The following NDUFAB1 variants were observed in gnomAD, a reference collection of about 807,000 sequenced individuals.
NDUFAB1 encodes NADH:ubiquinone oxidoreductase subunit AB1, also known as acyl carrier protein, mitochondrial.
In NDUFAB1, 5 loss-of-function variants were observed where a neutral mutation model predicts 16.1. The observed-to-expected ratio is 0.31, with a 90% CI of 0.16 to 0.65. NDUFAB1 has a LOEUF of 0.65. Ranked by LOEUF, NDUFAB1 falls within the 30% of genes least tolerant of loss-of-function variation. The pLI is 0.77. For missense variants in NDUFAB1, 187 were observed against 205.3 expected (o/e 0.91, Z 0.54); for synonymous variants, 85 against 78.4 (o/e 1.08, Z -0.44).
chr16:23,584,005 A>G (rs890779786), intron 3 of NDUFAB1, among the ~76,000 whole-genome samples: 2 of 151,836 alleles, frequency 1.3e-5, no homozygotes, highest in African/African-American at 4.8e-5. Flanking sequence ...ACTCAGGGTT[A>G]AATGGATTAA....
intron 1 of NDUFAB1, among the ~76,000 whole-genome samples, chr16:23,595,816 G>A (rs982317794): frequency 6.6e-6 from 1 of 152,248 alleles, no homozygotes. Context: ...TACTCCGCAA[G>A]GTAGAGACCA....
At chr16:23,584,239 C>A (rs1461701558) in intron 3 of NDUFAB1, among the ~76,000 whole-genome samples, 5 of 22,214 alleles carry the variant, frequency 2.3e-4, no homozygotes, top group South Asian at 1.7e-3. Flanking sequence ...GCGAGAAACA[C>A]CCAAGAATGA....
At chr16:23,592,581 T>A (rs904626489) in intron 1 of NDUFAB1, among the ~76,000 whole-genome samples, 1 of 152,130 alleles carries the variant, frequency 6.6e-6, no homozygotes, top group African/African-American at 2.4e-5. Context: ...CCATGCCCCA[T>A]AGAACTGCTG....
chr16:23,596,292 G>A lies in NDUFAB1; in HGVS notation c.-2C>T. ...GGCTGAAAGGACACGAGACGCCATG[G>A]CTACGCCAACCCAGGATGCACTGCG... On this transcript the variant is annotated 5_prime_UTR_variant, in exon 1 of 5. Coordinates refer to ENST00000007516, the MANE Select transcript of NDUFAB1 (RefSeq NM_005003.3). The A allele has an allele frequency of 1.9e-6, 3 of 1,555,162 alleles. No individual in the cohort carries two copies. The highest frequency in any genetic ancestry group is 2.6e-6 in the Non-Finnish European group (3 of 1,152,474).
chr16:23,595,597 C>T (rs961548013), intron 1 of NDUFAB1: 2 of 456,112 alleles, frequency 4.4e-6, no homozygotes, highest in African/African-American at 4.0e-5. Context: ...TGGCTTGTTT[C>T]CTAGAATTAC....
At chr16:23,582,040 G>C in intron 4 of NDUFAB1, 1 of 343,774 alleles carries the variant, frequency 2.9e-6, no homozygotes, top group Admixed American at 5.0e-5. Flanking sequence ...TTCTGCTTTT[G>C]TGAGGACAGC....
chr16:23,587,336 A>G lies in NDUFAB1; in HGVS notation c.169-17T>C. 1 of 1,611,978 alleles carries G rather than the reference A, an allele frequency of 6.2e-7. No homozygotes were observed. The highest frequency in any genetic ancestry group is 8.5e-7 in the Non-Finnish European group (1 of 1,179,238). On this transcript the variant is annotated splice_polypyrimidine_tract_variant and intron_variant, in intron 1 of 4. Transcript: ENST00000007516. ...ACCAGGAACCTAGAGCGACGGCAGG[A>G]AGGAAACACTGTCATTGAATGGAAA...
chr16:23,582,939 G>C (rs1326352590), intron 3 of NDUFAB1, among the ~76,000 whole-genome samples: 1 of 151,372 alleles, frequency 6.6e-6, no homozygotes, highest in African/African-American at 2.4e-5. Context: ...GCCTCGGCCT[G>C]CCCAGTGCCT....
chr16:23,583,247 G>A (rs1966198627), intron 3 of NDUFAB1, among the ~76,000 whole-genome samples: 1 of 152,224 alleles, frequency 6.6e-6, no homozygotes. Flanking sequence ...CATCGTCTGG[G>A]ATGTGAGGAG....
At chr16:23,583,065 A>C (rs1443446786) in intron 3 of NDUFAB1, among the ~76,000 whole-genome samples, 5 of 152,278 alleles carry the variant, frequency 3.3e-5, no homozygotes, top group Non-Finnish European at 5.9e-5. Context: ...GTGATCTGCC[A>C]GCCTCGGCCT....
chr16:23,585,247 C>T, intron 3 of NDUFAB1, 89 bp downstream of exon 3: 4 of 946,742 alleles, frequency 4.2e-6, no homozygotes, highest in Non-Finnish European at 6.8e-6. Context: ...ATATTTAATT[C>T]TAATTCCAAT....
At chr16:23,590,211 A>G (rs1476145007) in intron 1 of NDUFAB1, among the ~76,000 whole-genome samples, 4 of 152,216 alleles carry the variant, frequency 2.6e-5, no homozygotes, top group Non-Finnish European at 5.9e-5. Flanking sequence ...TGATTAAATT[A>G]AACGAGTCTC....
intron 1 of NDUFAB1, among the ~76,000 whole-genome samples, chr16:23,588,192 C>T (rs938094742): frequency 5.9e-5 from 9 of 152,198 alleles, no homozygotes; most frequent in Non-Finnish European, 1.0e-4. Context: ...TGGTGGCTCA[C>T]GCCTATAATC....
Position 23,582,355 on chromosome 16 carries a change from CTA to C in NDUFAB1, c.398_399del (p.Ile133ArgfsTer3). 1 of 1,573,526 alleles carries C rather than the reference CTA, an allele frequency of 6.4e-7. No individual in the cohort carries two copies. The highest frequency in any genetic ancestry group is 8.6e-7 in the Non-Finnish European group (1 of 1,162,290). On this transcript the variant is annotated frameshift_variant, in exon 4 of 5. Coordinates refer to ENST00000007516, the MANE Select transcript of NDUFAB1 (RefSeq NM_005003.3). LOFTEE classifies it high-confidence loss of function. ...EDEFGFEIPD[I>X]DAEKLMCPQE... ...TGTGGACACATTAACTTTTCAGCAT[CTA>C]TATCAGGAATTTCAAACCCTAAAAG...
intron 4 of NDUFAB1, 107 bp downstream of exon 4, chr16:23,582,169 G>T: frequency 7.7e-7 from 1 of 1,299,950 alleles, no homozygotes; most frequent in Non-Finnish European, 1.0e-6. Flanking sequence ...TATAAGTAGT[G>T]AAAAATCTTG....
intron 1 of NDUFAB1, among the ~76,000 whole-genome samples, chr16:23,594,202 G>A (rs1004386141): frequency 1.4e-4 from 21 of 151,626 alleles, no homozygotes; most frequent in African/African-American, 4.1e-4. Flanking sequence ...ATTTCAAGGT[G>A]ACACTTTTCA....
rs17525889 is a variant in NDUFAB1 at position 23,596,296 on chromosome 16, C to A, written c.-6G>T. The stretch of plus-strand genomic sequence containing the variant: ...GAAAGGACACGAGACGCCATGGCTA[C>A]GCCAACCCAGGATGCACTGCGCCGC... On this transcript the variant is annotated 5_prime_UTR_variant, in exon 1 of 5. Coordinates refer to ENST00000007516, the MANE Select transcript of NDUFAB1 (RefSeq NM_005003.3). 125 of 1,550,832 alleles carry A rather than the reference C, an allele frequency of 8.1e-5. No individual in the cohort carries two copies. The East Asian group carries it at 3.1e-3, about 38-fold the overall frequency.
intron 1 of NDUFAB1, among the ~76,000 whole-genome samples, chr16:23,595,255 C>A (rs1597057767): frequency 6.6e-6 from 1 of 152,060 alleles, no homozygotes; most frequent in Non-Finnish European, 1.5e-5. Flanking sequence ...GGTGACAGAG[C>A]GAGACTCTGT....
chr16:23,581,738 A>G (rs1424428110), intron 4 of NDUFAB1: 1 of 152,240 alleles, frequency 6.6e-6, no homozygotes. Context: ...CTTTCACAAA[A>G]GCCCCAGGTA....
Sources: gnomAD v4.1 joint callset for allele counts (sites outside exome capture counted in the v4.1 genomes callset) on GRCh38, gnomAD v4.1.1 for gene constraint, MANE v1.5 for transcripts, NCBI Gene and HGNC (gene_info 2026-07-23, HGNC 2026-07-21) for gene names.